Variants in STK32B observed in about 807,000 individuals in gnomAD.
The protein encoded by STK32B is serine/threonine kinase 32B.
In STK32B, 43 loss-of-function variants were observed where a neutral mutation model predicts 52.6. That is an observed-to-expected ratio of 0.82 (90% CI 0.64 to 1.05). STK32B has a LOEUF of 1.05. STK32B is among the 50% of genes least tolerant of loss of function. The pLI is 0.00. For missense variants in STK32B, 621 were observed against 534.6 expected (o/e 1.16, Z -1.59); for synonymous variants, 238 against 204.3 (o/e 1.17, Z -1.41).
At chr4:5,392,974 G>A (rs939885984) in intron 4 of STK32B, among the ~76,000 whole-genome samples, 2 of 152,194 alleles carry the variant, frequency 1.3e-5, no homozygotes, top group African/African-American at 4.8e-5. Context: ...AAGAAGTAAT[G>A]TTTAATGAGT....
intron 3 of STK32B, among the ~76,000 whole-genome samples, chr4:5,267,375 C>T (rs1441445007): frequency 6.6e-6 from 1 of 152,132 alleles, no homozygotes; most frequent in Non-Finnish European, 1.5e-5. Flanking sequence ...CTGCCCCTCC[C>T]CGCTTTCCCT....
chr4:5,117,918 T>C (rs1259172452), intron 1 of STK32B, among the ~76,000 whole-genome samples: 1 of 152,228 alleles, frequency 6.6e-6, no homozygotes, highest in Non-Finnish European at 1.5e-5. Flanking sequence ...TTGATCACAG[T>C]GAACAATTCT....
intron 11 of STK32B, among the ~76,000 whole-genome samples, chr4:5,481,166 G>C (rs769101901): frequency 6.6e-5 from 10 of 152,268 alleles, no homozygotes; most frequent in South Asian, 4.2e-4. Context: ...ACACTGACTT[G>C]CACAATGGTT....
the STK32B span, among the ~76,000 whole-genome samples, chr4:5,038,985 CTTTTT>C: frequency 8.2e-6 from 1 of 122,354 alleles, no homozygotes; most frequent in Non-Finnish European, 1.7e-5. Context: ...AAATTTCTTT[CTTTTT>C]TTTTTTTTTT....
chr4:5,095,641 G>T (rs1181615004), intron 1 of STK32B, among the ~76,000 whole-genome samples: 2 of 152,224 alleles, frequency 1.3e-5, no homozygotes, highest in South Asian at 4.2e-4. Flanking sequence ...AATGTAACAG[G>T]GTTCATTTAT....
chr4:5,023,393 CT>C, the STK32B span, among the ~76,000 whole-genome samples: 3 of 152,180 alleles, frequency 2.0e-5, no homozygotes, highest in Admixed American at 6.5e-5. Flanking sequence ...TACAGTCTCC[CT>C]GTCAAGTGCT....
intron 1 of STK32B, among the ~76,000 whole-genome samples, chr4:5,053,496 C>G (rs985002801): frequency 6.6e-5 from 10 of 152,166 alleles, no homozygotes; most frequent in African/African-American, 2.4e-4. Flanking sequence ...GCATCTTTCT[C>G]TTTTATTTAC....
At chr4:5,027,088 C>T in the STK32B span, among the ~76,000 whole-genome samples, 1 of 152,208 alleles carries the variant, frequency 6.6e-6, no homozygotes, top group African/African-American at 2.4e-5. Flanking sequence ...CCTAGCCGGA[C>T]ATTGCCTCTG....
At chr4:5,263,920 G>A (rs776515462) in intron 3 of STK32B, among the ~76,000 whole-genome samples, 31 of 152,278 alleles carry the variant, frequency 2.0e-4, no homozygotes, top group Admixed American at 4.6e-4. Flanking sequence ...TTGTATGAAT[G>A]AAAATATTGT....
chr4:5,176,426 T>C (rs539564110), intron 3 of STK32B, among the ~76,000 whole-genome samples: 1 of 148,914 alleles, frequency 6.7e-6, no homozygotes, highest in South Asian at 2.2e-4. Flanking sequence ...GCTGTTCCTA[T>C]TCGGCCATCA....
chr4:5,295,927 C>T lies in STK32B; in HGVS notation c.261-35293C>T, dbSNP rs114368332. Among the ~76,000 whole-genome samples the T allele has an allele frequency of 6.1e-3, 933 of 152,178 alleles. 11 individuals are homozygous for T. The highest frequency in any genetic ancestry group is 0.022 in the African/African-American group (901 of 41,512). On this transcript the variant is annotated intron_variant, in intron 3 of 11. Coordinates refer to ENST00000282908, the MANE Select transcript of STK32B (RefSeq NM_018401.3). ...TTAGTCCTATAAATTTCTCTCTAAA[C>T]ACTGCTTTAACTGTCTCCCAGAGAT...
intron 4 of STK32B, among the ~76,000 whole-genome samples, chr4:5,353,777 G>A (rs1417907897): frequency 1.3e-5 from 2 of 152,248 alleles, no homozygotes; most frequent in East Asian, 3.9e-4. Context: ...AGAGACCTCT[G>A]ATACACTGTT....
chr4:5,436,670 T>C (rs1714108571), intron 6 of STK32B: 61 of 985,246 alleles, frequency 6.2e-5, no homozygotes, highest in Non-Finnish European at 7.2e-5. Flanking sequence ...GTACACGCGC[T>C]ATTAGGAGTT....
At chr4:5,332,173 T>C (rs529612194) in intron 4 of STK32B, among the ~76,000 whole-genome samples, 2 of 152,218 alleles carry the variant, frequency 1.3e-5, no homozygotes, top group African/African-American at 4.8e-5. Context: ...CGTCTAAATT[T>C]TTCCCTTGTT....
At chr4:5,282,393 C>T (rs1728259537) in intron 3 of STK32B, among the ~76,000 whole-genome samples, 1 of 152,136 alleles carries the variant, frequency 6.6e-6, no homozygotes, top group South Asian at 2.1e-4. Flanking sequence ...AGAGGGCCTA[C>T]TGTATATACC....
At chr4:5,243,053 T>C (rs539193763) in intron 3 of STK32B, among the ~76,000 whole-genome samples, 14 of 152,242 alleles carry the variant, frequency 9.2e-5, no homozygotes, top group East Asian at 3.9e-4. Flanking sequence ...ATTGACTTGG[T>C]GATGCGGGCT....
intron 3 of STK32B, among the ~76,000 whole-genome samples, chr4:5,251,664 G>A (rs1409034151): frequency 6.6e-6 from 1 of 152,032 alleles, no homozygotes; most frequent in Non-Finnish European, 1.5e-5. Flanking sequence ...AAACTTTTGA[G>A]CAGTATGGTC....
rs746246839 is a variant in STK32B, at chr4:5,426,692, CAA to C, written c.562+9779_562+9780del. Among the ~76,000 whole-genome samples, 174 of 78,026 alleles carry C rather than the reference CAA, an allele frequency of 2.2e-3. 1 individual carries two copies. The highest frequency in any genetic ancestry group is 7.4e-3 in the African/African-American group (156 of 21,166). 51.2% of individuals were successfully genotyped at this position (78,026 alleles called of 152,430 possible). A position where few individuals can be genotyped will look rare whatever the true frequency, so the allele number is the denominator to read the frequency against. On this transcript the variant is annotated intron_variant, in intron 6 of 11. Transcript: ENST00000282908. The stretch of plus-strand genomic sequence containing the variant: ...GCAACAGGGCGAGACTCCATCTAAA[CAA>C]AAAAAAAAAAAAAAAAAAAAGGAAA...
intron 1 of STK32B, among the ~76,000 whole-genome samples, chr4:5,127,636 G>C (rs917053715): frequency 1.3e-5 from 2 of 152,048 alleles, no homozygotes; most frequent in African/African-American, 2.4e-5. Flanking sequence ...GGCCTTATAA[G>C]AAGAGAAAAC....
Sources: allele counts gnomAD v4.1 joint callset (sites outside exome capture counted in the v4.1 genomes callset), GRCh38; gene constraint gnomAD v4.1.1; transcripts MANE v1.5; gene names NCBI Gene and HGNC (gene_info 2026-07-23, HGNC 2026-07-21).